Variants in SCAMP1 observed in about 807,000 individuals in gnomAD.
SCAMP1 encodes the protein secretory carrier membrane protein 1, also known as secretory carrier-associated membrane protein 1.
A neutral mutation model predicts 41.8 loss-of-function variants in SCAMP1; 15 were observed. The observed-to-expected ratio is 0.36, with a 90% CI of 0.24 to 0.55. The LOEUF (loss-of-function observed/expected upper bound fraction) is 0.55, where lower values mean the gene tolerates loss of function less well. Ranked by LOEUF, SCAMP1 falls within the 20% of genes least tolerant of loss-of-function variation. SCAMP1 has a pLI of 0.86. For synonymous variants in SCAMP1, 135 were observed against 136.8 expected, an observed-to-expected ratio of 0.99 and a Z score of 0.09; for missense variants, 341 against 412.6, an observed-to-expected ratio of 0.83 and a Z score of 1.50.
At chr5:78,372,629 A>T (rs1750968616) in intron 1 of SCAMP1, among the ~76,000 whole-genome samples, 1 of 152,214 alleles carries the variant, frequency 6.6e-6, no homozygotes, top group East Asian at 1.9e-4. Context: ...AACCTACATC[A>T]CAAGGTGATT....
chr5:78,384,978 G>C (rs1019688180), intron 1 of SCAMP1, among the ~76,000 whole-genome samples: 12 of 152,064 alleles, frequency 7.9e-5, no homozygotes, highest in African/African-American at 2.7e-4. Flanking sequence ...AATGATTTAG[G>C]GGGGGATTCC....
chr5:78,431,390 T>TA (rs1306393252), intron 6 of SCAMP1, among the ~76,000 whole-genome samples: 1 of 151,816 alleles, frequency 6.6e-6, no homozygotes, highest in Admixed American at 6.6e-5. Context: ...GTCTATATAT[T>TA]AAGTTGACAG....
At chr5:78,449,393 A>T (rs1277923906) in intron 6 of SCAMP1, among the ~76,000 whole-genome samples, 1 of 152,168 alleles carries the variant, frequency 6.6e-6, no homozygotes, top group Non-Finnish European at 1.5e-5. Flanking sequence ...CCAGACAAGG[A>T]AAAAAGACTA....
At chr5:78,376,066 C>T (rs1028290270) in intron 1 of SCAMP1, among the ~76,000 whole-genome samples, 2 of 152,064 alleles carry the variant, frequency 1.3e-5, no homozygotes, top group African/African-American at 2.4e-5. Flanking sequence ...CTTTTGAAAT[C>T]CTTAATAAAA....
At chr5:78,436,536 A>G (rs2112177732) in intron 6 of SCAMP1, among the ~76,000 whole-genome samples, 1 of 152,208 alleles carries the variant, frequency 6.6e-6, no homozygotes, top group Non-Finnish European at 1.5e-5. Context: ...ATGGTTGGAT[A>G]TGTGTGGTGT....
At chr5:78,460,050 G>T (rs181206424) in intron 8 of SCAMP1, among the ~76,000 whole-genome samples, 2 of 152,144 alleles carry the variant, frequency 1.3e-5, no homozygotes, top group Admixed American at 6.5e-5. Flanking sequence ...GGATAATGGC[G>T]TGCAGCTGCA....
intron 6 of SCAMP1, among the ~76,000 whole-genome samples, chr5:78,437,016 CT>C (rs1407258086): frequency 6.6e-6 from 1 of 152,106 alleles, no homozygotes; most frequent in Non-Finnish European, 1.5e-5. Flanking sequence ...CACAATTTGG[CT>C]CTCTGTTTGT....
rs572295013 is a variant in SCAMP1, at chr5:78,432,222, GAATT to G, written c.632+10265_632+10268del. Among the ~76,000 whole-genome samples, 85 of 152,058 alleles carry G rather than the reference GAATT, an allele frequency of 5.6e-4. No individual in the cohort carries two copies. The South Asian group carries it at 0.011, about 20-fold the overall frequency. On this transcript the variant is annotated intron_variant, in intron 6 of 8. Transcript: ENST00000621999. ...TTTTAATTTGCTTTTAATTTTAAAA[GAATT>G]AAATATAAGGAAAAATGAATTTTAC... is the stretch of plus-strand genomic sequence containing the variant.
chr5:78,472,299 G>A (rs1259182649), intron 8 of SCAMP1, among the ~76,000 whole-genome samples: 1 of 151,986 alleles, frequency 6.6e-6, no homozygotes, highest in African/African-American at 2.4e-5. Flanking sequence ...ATGCAGGTTT[G>A]TTATGGGTAT....
chr5:78,429,411 G>A (rs1752545731), intron 6 of SCAMP1, among the ~76,000 whole-genome samples: 1 of 134,632 alleles, frequency 7.4e-6, no homozygotes, highest in Admixed American at 7.9e-5. Flanking sequence ...ATGCTTTTCT[G>A]TTGCCATGAT....
rs59002419 is a variant in SCAMP1, at chr5:78,378,783, A to T, written c.58-10054A>T. Among the ~76,000 whole-genome samples, 18 of 152,352 alleles carry T rather than the reference A, an allele frequency of 1.2e-4. No homozygotes were observed. The South Asian group carries it at 3.7e-3, about 32-fold the overall frequency. On this transcript the variant is annotated intron_variant, in intron 1 of 8. Transcript: ENST00000621999. ...ACTCTGAAGAATATCTTTACTTGCT[A>T]CTTAGAAGTTAATAAAATACAGAAG...
chr5:78,474,986 A>G (rs539203862), intron 8 of SCAMP1, among the ~76,000 whole-genome samples: 1 of 152,320 alleles, frequency 6.6e-6, no homozygotes, highest in South Asian at 2.1e-4. Flanking sequence ...AATTGTATAC[A>G]GAGTGCATAG....
At chr5:78,470,111 T>TA (rs57023938) in intron 8 of SCAMP1, among the ~76,000 whole-genome samples, 38,752 of 151,462 alleles carry the variant, frequency 0.26, 5,322 homozygotes, top group East Asian at 0.54. Context: ...CAAAATAATT[T>TA]AAAAAAACCT....
chr5:78,449,858 A>G (rs1349447015), intron 6 of SCAMP1, 75 bp from the exon 7 acceptor site: 2 of 794,184 alleles, frequency 2.5e-6, no homozygotes, highest in Non-Finnish European at 4.0e-6. Flanking sequence ...AAAGATAATG[A>G]GAAAAATGAC....
chr5:78,418,716 A>G, intron 4 of SCAMP1, 59 bp from the exon 5 acceptor site: 1 of 1,134,558 alleles, frequency 8.8e-7, no homozygotes, highest in African/African-American at 1.6e-5. Flanking sequence ...GAAACAAAAA[A>G]TAATATCACA....
At chr5:78,466,283 A>G (rs1753743095) in intron 8 of SCAMP1, among the ~76,000 whole-genome samples, 1 of 152,200 alleles carries the variant, frequency 6.6e-6, no homozygotes. Context: ...AGAGAAATAA[A>G]TTGGTGGGCC....
In SCAMP1 at chr5:78,374,971, T is replaced by C. The variant is rs111560632; in HGVS notation, c.58-13866T>C. ...CTTGTTGAGAGATTTTTAATGGCTT[T>C]TCCTAGCTCCTTTTTAAAAAAAGTG... is the stretch of plus-strand genomic sequence containing the variant. On this transcript the variant is annotated intron_variant, in intron 1 of 8. Coordinates refer to ENST00000621999, the MANE Select transcript of SCAMP1 (RefSeq NM_004866.6). Among the ~76,000 whole-genome samples, 436 of 152,230 alleles carry C rather than the reference T, an allele frequency of 2.9e-3. 3 individuals are homozygous for C. The highest frequency in any genetic ancestry group is 9.9e-3 in the African/African-American group (413 of 41,558).
At chr5:78,363,656 C>A (rs753935275) in intron 1 of SCAMP1, among the ~76,000 whole-genome samples, 30 of 152,220 alleles carry the variant, frequency 2.0e-4, no homozygotes, top group Non-Finnish European at 4.0e-4. Flanking sequence ...TTTAGCATTT[C>A]TTTTCCTTCA....
At position 78,479,433 on chromosome 5, in the gene SCAMP1, A is replaced by G. The variant is rs1754081051; in HGVS notation, c.*3765A>G. ...CTTTTTTATTGAGCTAAAAAGTTTT[A>G]TCTCACATATTAAGTATTACAGAAA... On this transcript the variant is annotated 3_prime_UTR_variant, in exon 9 of 9. Transcript: ENST00000621999. 6.6e-6 allele frequency among the ~76,000 whole-genome samples: 1 copy of G among 152,240 alleles called. No individual in the cohort carries two copies. Among genetic ancestry groups the G allele is most frequent in the Non-Finnish European group, 1.5e-5 (1 of 68,028 alleles).
Sources: gnomAD v4.1 joint callset for allele counts (sites outside exome capture counted in the v4.1 genomes callset) on GRCh38, gnomAD v4.1.1 for gene constraint, MANE v1.5 for transcripts, NCBI Gene and HGNC (gene_info 2026-07-23, HGNC 2026-07-21) for gene names.